The following WFDC1 variants were observed in gnomAD, a reference collection of about 807,000 sequenced individuals.
The protein encoded by WFDC1 is WAP four-disulfide core domain protein 1.
A neutral mutation model predicts 32.9 loss-of-function variants in WFDC1; 39 were observed. The observed-to-expected ratio is 1.19, with a 90% CI of 0.92 to 1.55. The LOEUF is 1.55. Ranked by LOEUF, WFDC1 falls within the 40% of genes most tolerant of loss-of-function variation. The pLI, the probability that WFDC1 is intolerant of heterozygous loss-of-function variation, is 0.00. For missense variants in WFDC1, 386 were observed against 309.5 expected (o/e 1.25, Z -1.85); for synonymous variants, 184 against 137.4 (o/e 1.34, Z -2.37).
rs774277987 is a variant in WFDC1, at chr16:84,295,087, T to C, written c.116T>C (p.Leu39Ser). The C allele has an allele frequency of 3.7e-6, 6 of 1,614,182 alleles. No individual in the cohort carries two copies. The highest frequency in any genetic ancestry group is 2.2e-5 in the East Asian group (1 of 44,878). The change falls in exon 1 of 7, where the codon TTG (leucine) becomes TCG (serine). Residue 39 changes from leucine (L) to serine (S), a missense_variant. Physicochemically the swap from Leu to Ser is moderately radical, Grantham distance 145. Transcript: ENST00000219454. ...GCCAAGAATATCTGGAAACGGGCAT[T>C]GCCTGCGAGGCTGGCCGAGAAATCC... ...GSAKNIWKRALPARLAEKSRA... is the reference protein window; with the variant it reads ...GSAKNIWKRASPARLAEKSRA...
At chr16:84,318,765 C>G in intron 3 of WFDC1, 1 of 225,360 alleles carries the variant, frequency 4.4e-6, no homozygotes, top group South Asian at 7.1e-5. Context: ...GGCCTGGAGG[C>G]CTAGGAGGTG....
intron 4 of WFDC1, among the ~76,000 whole-genome samples, chr16:84,320,131 T>G (rs1223012744): frequency 6.6e-6 from 1 of 152,188 alleles, no homozygotes; most frequent in Non-Finnish European, 1.5e-5. Context: ...TCACTTTCAG[T>G]ATGGTAATCA....
chr16:84,303,350 G>C (rs990055038), intron 1 of WFDC1, among the ~76,000 whole-genome samples: 1 of 152,096 alleles, frequency 6.6e-6, no homozygotes, highest in African/African-American at 2.4e-5. Context: ...TGGAAGGAAG[G>C]GGGTGGTGAG....
chr16:84,304,301 T>G (rs1008172539), intron 1 of WFDC1, among the ~76,000 whole-genome samples: 1 of 151,338 alleles, frequency 6.6e-6, no homozygotes, highest in Non-Finnish European at 1.5e-5. Context: ...GCCGTCTGGC[T>G]CACTGCAACT....
At chr16:84,307,524 G>A (rs574049604) in intron 1 of WFDC1, among the ~76,000 whole-genome samples, 24 of 152,182 alleles carry the variant, frequency 1.6e-4, no homozygotes, top group African/African-American at 4.3e-4. Flanking sequence ...CCTCTGAGAC[G>A]GCGGCACAGC....
intron 4 of WFDC1, among the ~76,000 whole-genome samples, chr16:84,323,989 G>C (rs992663996): frequency 2.0e-4 from 30 of 152,126 alleles, no homozygotes; most frequent in African/African-American, 7.2e-4. Flanking sequence ...GTGTGGTGGC[G>C]CATGCCTGTA....
At chr16:84,317,691 C>A (rs568051336) in intron 2 of WFDC1, 3 of 154,438 alleles carry the variant, frequency 1.9e-5, no homozygotes, top group African/African-American at 4.8e-5. Flanking sequence ...TGCATGTGTA[C>A]CCCCGAACCT....
chr16:84,315,358 A>G (rs1307752889), intron 2 of WFDC1, among the ~76,000 whole-genome samples: 1 of 152,148 alleles, frequency 6.6e-6, no homozygotes, highest in African/African-American at 2.4e-5. Flanking sequence ...TTGTTTGTTC[A>G]TTGACTGTTC....
intron 2 of WFDC1, among the ~76,000 whole-genome samples, chr16:84,314,597 C>G (rs182907058): frequency 2.0e-5 from 3 of 152,266 alleles, no homozygotes; most frequent in East Asian, 3.9e-4. Context: ...TGACAGGGGA[C>G]TCAGCACACT....
intron 5 of WFDC1, 56 bp downstream of exon 5, chr16:84,324,516 G>C (rs1207807580): frequency 1.9e-6 from 3 of 1,569,540 alleles, no homozygotes; most frequent in Admixed American, 1.9e-5. Context: ...GGCAGTGAAA[G>C]TTTCTTATGT....
chr16:84,327,191 ATTTG>A (rs1260709734), intron 6 of WFDC1: 4 of 487,814 alleles, frequency 8.2e-6, no homozygotes, highest in Admixed American at 6.6e-5. Context: ...AGCTTAACTC[ATTTG>A]TTTGTTTTTT....
At chr16:84,318,502 C>A in intron 3 of WFDC1, 147 bp downstream of exon 3, 1 of 747,398 alleles carries the variant, frequency 1.3e-6, no homozygotes, top group Admixed American at 2.1e-5. Context: ...TCCTCCCCAC[C>A]CCAGCGAAGA....
At chr16:84,313,370 G>A (rs1323754123) in intron 2 of WFDC1, among the ~76,000 whole-genome samples, 1 of 152,198 alleles carries the variant, frequency 6.6e-6, no homozygotes, top group African/African-American at 2.4e-5. Context: ...GGGGACTTGC[G>A]TTGTAGGAGA....
intron 1 of WFDC1, among the ~76,000 whole-genome samples, chr16:84,305,565 C>T (rs1293954448): frequency 1.3e-5 from 2 of 152,214 alleles, no homozygotes; most frequent in Admixed American, 6.5e-5. Flanking sequence ...TGCTGAGCAT[C>T]TAACCTAACG....
At chr16:84,299,792 C>G (rs527699251) in intron 1 of WFDC1, among the ~76,000 whole-genome samples, 2 of 152,322 alleles carry the variant, frequency 1.3e-5, no homozygotes, top group East Asian at 3.9e-4. Flanking sequence ...CAGTTTGCAC[C>G]CTGCCCAGAG....
At chr16:84,310,642 C>A (rs1358088710) in intron 1 of WFDC1, among the ~76,000 whole-genome samples, 1 of 152,154 alleles carries the variant, frequency 6.6e-6, no homozygotes, top group Admixed American at 6.5e-5. Flanking sequence ...CTTCCAAAAA[C>A]GTTCTCAGCC....
Position 84,320,731 on chromosome 16 carries a change from C to G in WFDC1, c.562+1160C>G, listed in dbSNP as rs147391582. Among the ~76,000 whole-genome samples, 222 of 152,274 alleles carry G rather than the reference C, an allele frequency of 1.5e-3. 1 individual carries two copies. Among genetic ancestry groups the G allele is most frequent in the African/African-American group, 5.1e-3 (212 of 41,532 alleles). On this transcript the variant is annotated intron_variant, in intron 4 of 6. Transcript: ENST00000219454. ...AGTGTCAGTCAGACTGAGACCACACCCAGGGGCCCCTGTCCCCGCTTCGGC... is the reference window on the plus strand; with the variant it reads ...AGTGTCAGTCAGACTGAGACCACACGCAGGGGCCCCTGTCCCCGCTTCGGC...
intron 1 of WFDC1, among the ~76,000 whole-genome samples, chr16:84,305,975 C>T (rs896732354): frequency 2.0e-5 from 3 of 151,384 alleles, no homozygotes; most frequent in African/African-American, 7.3e-5. Flanking sequence ...TGCACTCCAG[C>T]CTGGGTGACA....
In WFDC1 at chr16:84,294,923, G is replaced by C. The variant is rs746701534; in HGVS notation, c.-49G>C. The C allele has an allele frequency of 6.3e-7, 1 of 1,584,608 alleles. No homozygotes were observed. Among genetic ancestry groups the C allele is most frequent in the South Asian group, 1.2e-5 (1 of 85,918 alleles). On this transcript the variant is annotated 5_prime_UTR_variant, in exon 1 of 7. Coordinates refer to ENST00000219454, the MANE Select transcript of WFDC1 (RefSeq NM_021197.4). ...CCCACTCACAGGCCCACGCAGCGAG[G>C]GGGGCCCCTCTTCTGTGTGCGTCTG...
Sources: gnomAD v4.1 joint callset for allele counts (sites outside exome capture counted in the v4.1 genomes callset) on GRCh38, gnomAD v4.1.1 for gene constraint, MANE v1.5 for transcripts, NCBI Gene and HGNC (gene_info 2026-07-23, HGNC 2026-07-21) for gene names.